The following RIT2 variants were observed in gnomAD, a reference collection of about 807,000 sequenced individuals.
RIT2 encodes the protein Ras like without CAAX 2.
In RIT2, 24 loss-of-function variants were observed where a neutral mutation model predicts 23.7. The observed-to-expected ratio is 1.01, with a 90% CI of 0.73 to 1.43. RIT2 has a LOEUF of 1.43. RIT2 is among the 40% of genes most tolerant of loss of function. RIT2 has a pLI of 0.00. For synonymous variants in RIT2, 107 were observed against 91.1 expected, an observed-to-expected ratio of 1.17 and a Z score of -0.99; for missense variants, 236 against 266.9, an observed-to-expected ratio of 0.88 and a Z score of 0.81.
chr18:43,006,918 T>C (rs1211663484), intron 2 of RIT2, among the ~76,000 whole-genome samples: 4 of 151,538 alleles, frequency 2.6e-5, no homozygotes, highest in African/African-American at 2.4e-5. Flanking sequence ...TTTATACAAT[T>C]ATTGGACTTG....
At chr18:42,747,671 A>T (rs1912950239) in intron 4 of RIT2, among the ~76,000 whole-genome samples, 1 of 152,094 alleles carries the variant, frequency 6.6e-6, no homozygotes, top group Non-Finnish European at 1.5e-5. Flanking sequence ...CCAAAACAGC[A>T]TGGTACTGGT....
chr18:43,018,869 C>G (rs186569230), intron 2 of RIT2, among the ~76,000 whole-genome samples: 1 of 151,808 alleles, frequency 6.6e-6, no homozygotes, highest in African/African-American at 2.4e-5. Flanking sequence ...GTATAAATCA[C>G]TGGTAGAGTA....
chr18:42,925,464 T>C (rs1395301887), intron 3 of RIT2, among the ~76,000 whole-genome samples: 1 of 152,032 alleles, frequency 6.6e-6, no homozygotes, highest in Non-Finnish European at 1.5e-5. Context: ...TAATTAGATC[T>C]GTTGTGTCAG....
intron 1 of RIT2, among the ~76,000 whole-genome samples, chr18:43,069,754 A>T (rs2144333691): frequency 6.6e-6 from 1 of 152,256 alleles, no homozygotes; most frequent in African/African-American, 2.4e-5. Flanking sequence ...CTGTGACCTT[A>T]TAACTTATTG....
intron 4 of RIT2, among the ~76,000 whole-genome samples, chr18:42,787,348 C>T (rs1480310688): frequency 2.6e-5 from 4 of 151,804 alleles, no homozygotes; most frequent in African/African-American, 9.7e-5. Flanking sequence ...ATGGGTGCAG[C>T]ACACCAACAT....
intron 1 of RIT2, among the ~76,000 whole-genome samples, chr18:43,078,550 T>C (rs1193399725): frequency 1.3e-5 from 2 of 152,178 alleles, no homozygotes; most frequent in Non-Finnish European, 2.9e-5. Flanking sequence ...CCTTTAAGCC[T>C]CATGGATCCT....
At chr18:43,043,412 T>C (rs6507511) in intron 1 of RIT2, among the ~76,000 whole-genome samples, 144,516 of 152,280 alleles carry the variant, frequency 0.95, 68,985 homozygotes, top group East Asian at 1. Flanking sequence ...ATAACACACA[T>C]GTACACTAAA....
At chr18:42,845,622 A>C (rs1356308464) in intron 4 of RIT2, among the ~76,000 whole-genome samples, 6 of 149,806 alleles carry the variant, frequency 4.0e-5, no homozygotes, top group Non-Finnish European at 8.9e-5. Context: ...AAATTTCCTT[A>C]CATTCCAAAT....
chr18:42,744,487 A>T (rs538263025), intron 4 of RIT2, among the ~76,000 whole-genome samples: 3 of 152,362 alleles, frequency 2.0e-5, no homozygotes, highest in African/African-American at 7.2e-5. Flanking sequence ...CAAAGTGGTC[A>T]AAGAATAGCT....
rs1914046297 is a variant in RIT2, at chr18:43,115,474, C to T, written c.46G>A (p.Gly16Ser). ...ACCACCTTGTACTCTCTGGACCCGC[C>T]TGATGCGCTGCCCGGGGAGCAGCTG... Reference protein sequence around the residue: ...EASCSPGSASGGSREYKVVML... With the variant: ...EASCSPGSASSGSREYKVVML... Residue 16 changes from glycine (G) to serine (S), a missense_variant, in exon 1 of 5, where the codon GGC becomes AGC. Physicochemically the swap from Gly to Ser is moderately conservative, Grantham distance 56. Coordinates refer to ENST00000326695, the MANE Select transcript of RIT2 (RefSeq NM_002930.4). The T allele has an allele frequency of 6.2e-7, 1 of 1,613,694 alleles. No homozygotes were observed. The highest frequency in any genetic ancestry group is 8.5e-7 in the Non-Finnish European group (1 of 1,179,798).
At chr18:42,987,763 AG>A (rs1910745847) in intron 2 of RIT2, among the ~76,000 whole-genome samples, 1 of 152,180 alleles carries the variant, frequency 6.6e-6, no homozygotes, top group Admixed American at 6.6e-5. Context: ...CAAAAGCATG[AG>A]GTGAACATCT....
intron 1 of RIT2, among the ~76,000 whole-genome samples, chr18:43,078,664 G>A (rs563832341): frequency 1.3e-3 from 198 of 152,210 alleles, no homozygotes; most frequent in Non-Finnish European, 2.6e-3. Flanking sequence ...CAGGGTGCAG[G>A]CAAACCAGGG....
In RIT2 at chr18:42,847,215, T is replaced by C. The variant is rs767470198; in HGVS notation, c.426+76357A>G. 1.7e-3 allele frequency among the ~76,000 whole-genome samples: 259 copies of C among 152,028 alleles called. 4 individuals carry two copies. The highest frequency in any genetic ancestry group is 7.7e-4 in the Non-Finnish European group (52 of 67,956). ...AACTTGGGTATTAAACAAAGAAAAA[T>C]GTGGTATAAAAAGGTGTTGCCTTAG... On this transcript the variant is annotated intron_variant, in intron 4 of 4. Coordinates refer to ENST00000326695, the MANE Select transcript of RIT2 (RefSeq NM_002930.4).
chr18:42,776,321 T>C (rs1567993486), intron 4 of RIT2, among the ~76,000 whole-genome samples: 1 of 152,180 alleles, frequency 6.6e-6, no homozygotes. Flanking sequence ...TGACACCTGT[T>C]AAACCTGTAG....
At chr18:42,893,225 C>CAAA (rs57140473) in intron 4 of RIT2, among the ~76,000 whole-genome samples, 1 of 112,318 alleles carries the variant, frequency 8.9e-6, no homozygotes, top group Non-Finnish European at 1.9e-5. Flanking sequence ...GACTCCGTCT[C>CAAA]AAAAAAAAAA....
intron 4 of RIT2, among the ~76,000 whole-genome samples, chr18:42,872,488 A>G (rs940850684): frequency 2.6e-5 from 4 of 152,182 alleles, no homozygotes; most frequent in Admixed American, 1.3e-4. Flanking sequence ...CCTGTGCCCA[A>G]TACTGAATCA....
In RIT2 at chr18:42,994,669, G is replaced by A. The variant is rs191331109; in HGVS notation, c.161-20522C>T. On this transcript the variant is annotated intron_variant, in intron 2 of 4. Transcript: ENST00000326695. ...GAATTCTTACACAAGGACCGGGATC[G>A]CGTCCTGTAGCCTTTTTGTCCAAAC... Among the ~76,000 whole-genome samples, 18 of 152,174 alleles carry A rather than the reference G, an allele frequency of 1.2e-4. No individual in the cohort carries two copies. The East Asian group carries it at 1.4e-3, about 11-fold the overall frequency.
intron 2 of RIT2, among the ~76,000 whole-genome samples, chr18:43,005,758 A>C (rs1911212750): frequency 6.6e-6 from 1 of 151,844 alleles, no homozygotes; most frequent in Admixed American, 6.6e-5. Flanking sequence ...TTATTACTGA[A>C]TGCTCCACAT....
At chr18:42,832,831 T>A (rs1167659045) in intron 4 of RIT2, among the ~76,000 whole-genome samples, 2 of 152,022 alleles carry the variant, frequency 1.3e-5, no homozygotes, top group African/African-American at 4.8e-5. Flanking sequence ...GGTGGGCAGA[T>A]CATTTGAGGT....
Sources: allele counts gnomAD v4.1 joint callset (sites outside exome capture counted in the v4.1 genomes callset), GRCh38; gene constraint gnomAD v4.1.1; transcripts MANE v1.5; gene names NCBI Gene and HGNC (gene_info 2026-07-23, HGNC 2026-07-21).